The following AUNIP variants were observed in gnomAD, a reference collection of about 807,000 sequenced individuals.
AUNIP encodes aurora kinase A and ninein interacting protein.
Under a neutral mutation model 12.2 loss-of-function variants are expected in AUNIP, and 16 were observed. That is an observed-to-expected ratio of 1.31 (90% confidence interval 0.88 to 1.99). AUNIP has a LOEUF of 1.99. Among genes scored for constraint, AUNIP ranks in the 30% most tolerant of loss-of-function variants. The probability of loss-of-function intolerance (pLI) is 0.00; values close to 1 mark genes in which losing one functional copy is unlikely to be tolerated. For missense variants in AUNIP, 411 were observed against 419.1 expected (o/e 0.98, Z 0.17); for synonymous variants, 142 against 154.8 (o/e 0.92, Z 0.61).
intron 1 of AUNIP, among the ~76,000 whole-genome samples, chr1:25,839,447 C>T (rs953914915): frequency 6.6e-6 from 1 of 152,222 alleles, no homozygotes; most frequent in Non-Finnish European, 1.5e-5. Context: ...AGAGCTCACA[C>T]AGGCTGGGGG....
intron 1 of AUNIP, among the ~76,000 whole-genome samples, chr1:25,839,290 G>T (rs1328752072): frequency 6.6e-6 from 1 of 152,200 alleles, no homozygotes; most frequent in African/African-American, 2.4e-5. Context: ...GAGATTTGCA[G>T]TGCAGAGAAA....
chr1:25,859,286 T>C lies in AUNIP; in HGVS notation c.72A>G (p.Lys24=). The C allele has an allele frequency of 1.9e-6, 3 of 1,576,862 alleles. No individual in the cohort carries two copies. Among genetic ancestry groups the C allele is most frequent in the Non-Finnish European group, 2.6e-6 (3 of 1,163,102 alleles). ...WLDAAALKRR[K]VQTHLIKPGT... is the part of the protein sequence containing the mutation. ...TCATCCCCCAGCGTCCCACCTGCAC[T>C]TTCCGCCTCTTCAGCGCCGCCGCGT... The change falls in exon 1 of 3, where the codon AAA becomes AAG. Residue 24 remains lysine (K), a synonymous_variant. Coordinates refer to ENST00000374298, the MANE Select transcript of AUNIP (RefSeq NM_024037.3).
chr1:25,840,456 C>T (rs943945115), intron 1 of AUNIP, among the ~76,000 whole-genome samples: 1 of 151,920 alleles, frequency 6.6e-6, no homozygotes, highest in African/African-American at 2.4e-5. Context: ...AAATAAGGGC[C>T]AAAAAGTTTT....
intron 1 of AUNIP, among the ~76,000 whole-genome samples, chr1:25,857,495 C>T (rs1352716102): frequency 1.3e-5 from 2 of 151,278 alleles, no homozygotes; most frequent in South Asian, 4.2e-4. Flanking sequence ...GTGATCCGCC[C>T]GCCTCGGCCT....
chr1:25,834,016 A>G lies in AUNIP; in HGVS notation c.*977T>C, dbSNP rs907518346. 1 of 984,036 alleles carries G rather than the reference A, an allele frequency of 1.0e-6. No homozygotes were observed. The highest frequency in any genetic ancestry group is 1.7e-5 in the African/African-American group (1 of 57,212). The allele number at this position is 984,036 out of a possible 1,614,324, so 61.0% of individuals were successfully genotyped here. ...AATTATCACAAGAGCCACTTTGTAA[A>G]CATTTATTTGGATTCATAGTTTTAC... On this transcript the variant is annotated 3_prime_UTR_variant, in exon 3 of 3. Transcript: ENST00000374298.
Position 25,837,497 on chromosome 1 carries a change from C to G in AUNIP, c.136G>C (p.Ala46Pro). The change falls in exon 2 of 3, where the codon GCT (alanine) becomes CCT (proline). Residue 46 changes from alanine (A) to proline (P), a missense_variant. Coordinates refer to ENST00000374298, the MANE Select transcript of AUNIP (RefSeq NM_024037.3). ...MLTLLPGERK[A>P]NIYFTQRRAP... is the part of the protein sequence containing the mutation. ...CTTCTTTGAGTAAAATAAATATTAG[C>G]CTTTCTTTCTCCAGGAAGGAGTGTT... 3 of 1,613,750 alleles carry G rather than the reference C, an allele frequency of 1.9e-6. No homozygotes were observed. The highest frequency in any genetic ancestry group is 1.7e-6 in the Non-Finnish European group (2 of 1,179,724).
intron 1 of AUNIP, among the ~76,000 whole-genome samples, chr1:25,852,586 C>A (rs2048431807): frequency 6.6e-6 from 1 of 151,522 alleles, no homozygotes; most frequent in Non-Finnish European, 1.5e-5. Context: ...ATTACAGGCG[C>A]CTGCCACCAC....
At chr1:25,848,421 G>A (rs187729857) in intron 1 of AUNIP, among the ~76,000 whole-genome samples, 27 of 145,430 alleles carry the variant, frequency 1.9e-4, no homozygotes, top group Admixed American at 1.6e-3. Context: ...GGCGGAGGTC[G>A]CAGTGAGTTG....
chr1:25,843,185 A>AAATATAT (rs1553123796), intron 1 of AUNIP, among the ~76,000 whole-genome samples: 2 of 124,956 alleles, frequency 1.6e-5, no homozygotes, highest in African/African-American at 6.0e-5. Flanking sequence ...AAAAAAAAAA[A>AAATATAT]ATATATATAT....
chr1:25,851,839 A>T (rs1382281208), intron 1 of AUNIP, among the ~76,000 whole-genome samples: 1 of 152,010 alleles, frequency 6.6e-6, no homozygotes. Context: ...GGTTCAAGTG[A>T]TTCTCCTGCC....
rs2048392968 is a variant in AUNIP, at chr1:25,847,554, C to G, written c.79-10000G>C. The stretch of plus-strand genomic sequence containing the variant: ...TGCTGGGATTACAGGCATAAACCAC[C>G]ACACCCGACCTTAAAAAACATTTAA... On this transcript the variant is annotated intron_variant, in intron 1 of 2. Transcript: ENST00000374298. This position sits in a 1 kb window ranked among gnomAD's most constrained non-coding sequence, Gnocchi z 4.2. 6.6e-6 allele frequency among the ~76,000 whole-genome samples: 1 copy of G among 152,144 alleles called. No individual in the cohort carries two copies. The highest frequency in any genetic ancestry group is 2.4e-5 in the African/African-American group (1 of 41,446).
In AUNIP at chr1:25,859,340, G is replaced by C. The variant is rs368360532; in HGVS notation, c.18C>G (p.Pro6=). Residue 6 remains proline (P), a synonymous_variant, in exon 1 of 3, where the codon CCC becomes CCG. Coordinates refer to ENST00000374298, the MANE Select transcript of AUNIP (RefSeq NM_024037.3). Reference sequence around the variant, plus strand: ...GCCACACGCCGCAGGCCTCCTCCTCGGGGCCTGTCCGCCTCATGGCCGCTG... The same window carrying C: ...GCCACACGCCGCAGGCCTCCTCCTCCGGGCCTGTCCGCCTCATGGCCGCTG... The part of the protein sequence containing the change: MRRTG[P]EEEACGVWLD... 2.1e-5 allele frequency: 33 copies of C among 1,553,472 alleles called. No individual in the cohort carries two copies. Among genetic ancestry groups the C allele is most frequent in the African/African-American group, 2.7e-5 (2 of 72,986 alleles).
At position 25,843,828 on chromosome 1, in the gene AUNIP, T is replaced by G. The variant is rs945532916; in HGVS notation, c.79-6274A>C. Among the ~76,000 whole-genome samples the G allele has an allele frequency of 4.6e-5, 7 of 151,244 alleles. No homozygotes were observed. The South Asian group carries it at 1.5e-3, about 32-fold the overall frequency. On this transcript the variant is annotated intron_variant, in intron 1 of 2. Coordinates refer to ENST00000374298, the MANE Select transcript of AUNIP (RefSeq NM_024037.3). ...ATTGATACACTCTCCCAATAAAAAT[T>G]TTAATGGATGAGAAATTGCGTCTAA...
chr1:25,859,339 C>A lies in AUNIP; in HGVS notation c.19G>T (p.Glu7Ter), dbSNP rs746291071. Residue 7 changes from glutamate (E) to a stop codon, truncating the protein, a stop_gained, in exon 1 of 3, where the codon GAG becomes TAG. Transcript: ENST00000374298. LOFTEE classifies it high-confidence loss of function. ...AGCCACACGCCGCAGGCCTCCTCCT[C>A]GGGGCCTGTCCGCCTCATGGCCGCT... MRRTGP[E>*]EEACGVWLDA... 1 of 1,553,584 alleles carries A rather than the reference C, an allele frequency of 6.4e-7. No homozygotes were observed. Among genetic ancestry groups the A allele is most frequent in the Non-Finnish European group, 8.7e-7 (1 of 1,152,092 alleles).
chr1:25,850,169 T>C (rs903911223), intron 1 of AUNIP, among the ~76,000 whole-genome samples: 2 of 152,128 alleles, frequency 1.3e-5, no homozygotes, highest in African/African-American at 4.8e-5. Context: ...GGTGTGATCA[T>C]AGCACTCCAG....
chr1:25,854,953 C>CTTTTTTTTTT (rs1159770557), intron 1 of AUNIP, among the ~76,000 whole-genome samples: 2 of 121,124 alleles, frequency 1.7e-5, no homozygotes, highest in African/African-American at 6.7e-5. Flanking sequence ...AGAATTCTTT[C>CTTTTTTTTTT]TTTTTTTTTT....
chr1:25,849,065 G>A (rs1044710631), intron 1 of AUNIP, among the ~76,000 whole-genome samples: 2 of 152,156 alleles, frequency 1.3e-5, no homozygotes, highest in Non-Finnish European at 2.9e-5. Flanking sequence ...TGAAGTTGCT[G>A]TCAAAAATTA....
At chr1:25,855,974 A>C (rs191532766) in intron 1 of AUNIP, among the ~76,000 whole-genome samples, 4 of 152,320 alleles carry the variant, frequency 2.6e-5, no homozygotes, top group Non-Finnish European at 5.9e-5. Context: ...GGGCCTAGAG[A>C]TCCTGGAGGA....
rs1365703452 is a variant in AUNIP, at chr1:25,858,085, T to C, written c.78+1195A>G. Among the ~76,000 whole-genome samples, 3 of 152,272 alleles carry C rather than the reference T, an allele frequency of 2.0e-5. No homozygotes were observed. In the East Asian group the frequency reaches 5.8e-4, roughly 29 times the overall value. On this transcript the variant is annotated intron_variant, in intron 1 of 2. Coordinates refer to ENST00000374298, the MANE Select transcript of AUNIP (RefSeq NM_024037.3). ...AGGAGGCTGAGGCAGGAGAATGGCGTGAACCCCGGAGGTGGGGCTTGCAGG... is the reference window on the plus strand; with the variant it reads ...AGGAGGCTGAGGCAGGAGAATGGCGCGAACCCCGGAGGTGGGGCTTGCAGG...
Sources: gnomAD v4.1 joint callset for allele counts (sites outside exome capture counted in the v4.1 genomes callset) on GRCh38, gnomAD v4.1.1 for gene constraint, Gnocchi (gnomAD v3.1) non-coding constraint, MANE v1.5 for transcripts, NCBI Gene and HGNC (gene_info 2026-07-23, HGNC 2026-07-21) for gene names.